Variants in PSMB7 observed in about 807,000 individuals in gnomAD.
PSMB7 encodes the protein proteasome 20S subunit beta 7.
A neutral mutation model predicts 28.1 loss-of-function variants in PSMB7; 5 were observed. The observed-to-expected ratio is 0.18, with a 90% CI of 0.09 to 0.37. PSMB7 has a LOEUF of 0.37. Among genes scored for constraint, PSMB7 ranks in the 10% least tolerant of loss-of-function variants. The pLI is 1.00. For missense variants in PSMB7, 275 were observed against 346.2 expected (o/e 0.79, Z 1.63); for synonymous variants, 122 against 123.7 (o/e 0.99, Z 0.09).
chr9:124,414,110 A>T, intron 2 of PSMB7, 105 bp from the exon 3 acceptor site: 1 of 652,498 alleles, frequency 1.5e-6, no homozygotes, highest in South Asian at 2.0e-5. Context: ...ATGCTCCCCT[A>T]ATCTCAAAAC....
At chr9:124,387,063 A>G (rs1372971662) in intron 5 of PSMB7, among the ~76,000 whole-genome samples, 5 of 152,136 alleles carry the variant, frequency 3.3e-5, no homozygotes, top group South Asian at 4.1e-4. Flanking sequence ...TGGCTAGCAC[A>G]GTGAAACCCT....
intron 6 of PSMB7, among the ~76,000 whole-genome samples, chr9:124,379,570 C>T (rs927253435): frequency 6.6e-6 from 1 of 152,184 alleles, no homozygotes; most frequent in African/African-American, 2.4e-5. Context: ...GAACTGAGGA[C>T]TTTTACTTGA....
chr9:124,401,918 C>T (rs963981506), intron 5 of PSMB7, among the ~76,000 whole-genome samples: 2 of 151,778 alleles, frequency 1.3e-5, no homozygotes, highest in African/African-American at 4.8e-5. Flanking sequence ...ACTCGGGAGG[C>T]TGAGGCAGGA....
At chr9:124,355,088 C>G (rs528960288) in intron 7 of PSMB7, among the ~76,000 whole-genome samples, 1 of 152,228 alleles carries the variant, frequency 6.6e-6, no homozygotes, top group Non-Finnish European at 1.5e-5. Flanking sequence ...GGGAAGGGCT[C>G]CCCTAACTCA....
chr9:124,412,290 C>T, intron 4 of PSMB7, 62 bp downstream of exon 4: 2 of 1,515,144 alleles, frequency 1.3e-6, no homozygotes, highest in Non-Finnish European at 1.8e-6. Flanking sequence ...CTTCTCTTGG[C>T]TGAAAAAAAT....
rs759164120 is a variant in PSMB7, at chr9:124,412,507, T to C, written c.255-15A>G. On this transcript the variant is annotated splice_polypyrimidine_tract_variant and intron_variant, in intron 3 of 7. Transcript: ENST00000259457. ...CACCACAACAACTGAAAAATCCAAT[T>C]AGAAACTTAGCTGAAATCCAATTAC... The C allele has an allele frequency of 1.2e-6, 2 of 1,612,522 alleles. No individual in the cohort carries two copies. Among genetic ancestry groups the C allele is most frequent in the Admixed American group, 1.7e-5 (1 of 59,774 alleles).
rs115387587 is a variant in PSMB7, at chr9:124,366,843, G to A, written c.571-9928C>T. Among the ~76,000 whole-genome samples the A allele has an allele frequency of 2.6e-3, 403 of 152,358 alleles. 1 individual carries two copies. Among genetic ancestry groups the A allele is most frequent in the African/African-American group, 9.0e-3 (375 of 41,592 alleles). The stretch of plus-strand genomic sequence containing the variant: ...TGACAGTATTCAGCGCAGTTAACAT[G>A]CTGTACAGGCTTGCAGCCCAGGAGC... On this transcript the variant is annotated intron_variant, in intron 6 of 7. Coordinates refer to ENST00000259457, the MANE Select transcript of PSMB7 (RefSeq NM_002799.4).
At chr9:124,363,409 C>T (rs1045599154) in intron 6 of PSMB7, among the ~76,000 whole-genome samples, 1 of 152,238 alleles carries the variant, frequency 6.6e-6, no homozygotes, top group African/African-American at 2.4e-5. Flanking sequence ...ACGGTCTCCG[C>T]GAAAGCAGCA....
At chr9:124,390,700 AT>A (rs1017249101) in intron 5 of PSMB7, among the ~76,000 whole-genome samples, 1 of 152,154 alleles carries the variant, frequency 6.6e-6, no homozygotes, top group Non-Finnish European at 1.5e-5. Context: ...TTTTACTTGT[AT>A]TTTTAAATTT....
Position 124,414,105 on chromosome 9 carries a change from C to A in PSMB7, c.157-100G>T, listed in dbSNP as rs1251889812. On this transcript the variant is annotated intron_variant, in intron 2 of 7. Transcript: ENST00000259457. ...TACTATGTTGGCCATACCACATGCT[C>A]CCCTAATCTCAAAACGCCAGCCAAA... The A allele has an allele frequency of 7.5e-6, 5 of 667,482 alleles. No homozygotes were observed. The East Asian group carries it at 8.4e-5, about 11-fold the overall frequency. The allele number at this position is 667,482 out of a possible 1,614,324, so 41.3% of individuals were successfully genotyped here. A position where few individuals can be genotyped will look rare whatever the true frequency, so the allele number is the denominator to read the frequency against.
chr9:124,408,236 G>T (rs908164780), intron 4 of PSMB7, among the ~76,000 whole-genome samples: 5 of 152,148 alleles, frequency 3.3e-5, no homozygotes, highest in Admixed American at 3.3e-4. Context: ...CTGCGCTACT[G>T]ACGGTAGTAC....
chr9:124,406,559 A>G (rs968645497), intron 4 of PSMB7, among the ~76,000 whole-genome samples: 1 of 151,714 alleles, frequency 6.6e-6, no homozygotes. Context: ...AAAATGGCTC[A>G]TGTCGAAACA....
At chr9:124,364,000 C>T (rs1339915465) in intron 6 of PSMB7, among the ~76,000 whole-genome samples, 1 of 152,112 alleles carries the variant, frequency 6.6e-6, no homozygotes, top group Non-Finnish European at 1.5e-5. Context: ...GAGAATAATG[C>T]CTCTGTCCAA....
At chr9:124,412,536 A>C (rs1436930553) in intron 3 of PSMB7, 44 bp from the exon 4 acceptor site, 2 of 1,607,596 alleles carry the variant, frequency 1.2e-6, no homozygotes, top group Non-Finnish European at 1.7e-6. Context: ...CAATTACCAG[A>C]GGGCTCAATT....
chr9:124,367,973 T>C (rs545799131), intron 6 of PSMB7, among the ~76,000 whole-genome samples: 1 of 152,368 alleles, frequency 6.6e-6, no homozygotes, highest in East Asian at 1.9e-4. Context: ...AAATCAATTA[T>C]GACAGCGGCC....
In PSMB7 at chr9:124,357,857, A is replaced by T. The variant is rs77520750; in HGVS notation, c.571-942T>A. Among the ~76,000 whole-genome samples the T allele has an allele frequency of 2.8e-3, 424 of 152,318 alleles. 1 individual carries two copies. The highest frequency in any genetic ancestry group is 9.9e-3 in the African/African-American group (412 of 41,560). On this transcript the variant is annotated intron_variant, in intron 6 of 7. Coordinates refer to ENST00000259457, the MANE Select transcript of PSMB7 (RefSeq NM_002799.4). ...GCTGGCTAAAGAGCACGTGAAAAGG[A>T]GCTGGGAACACAGCTGGTCAGCAGA...
intron 7 of PSMB7, among the ~76,000 whole-genome samples, chr9:124,354,529 C>T (rs911316739): frequency 1.3e-5 from 2 of 152,156 alleles, no homozygotes; most frequent in African/African-American, 4.8e-5. Context: ...CCCGGAACAC[C>T]CATCCTCTCC....
intron 3 of PSMB7, among the ~76,000 whole-genome samples, chr9:124,413,641 A>G (rs1214974886): frequency 6.6e-6 from 1 of 152,210 alleles, no homozygotes; most frequent in Non-Finnish European, 1.5e-5. Context: ...AAAGAACCCA[A>G]ACTAGAGCCT....
At position 124,379,444 on chromosome 9, in the gene PSMB7, C is replaced by CA. The variant is rs1310787734; in HGVS notation, c.570+5153dup. ...AGAATTCAGGCTCACAGCAAGGGAA[C>CA]AAACAAAAAAATGAAAATTAGAAGA... On this transcript the variant is annotated intron_variant, in intron 6 of 7. Transcript: ENST00000259457. 8.6e-5 allele frequency among the ~76,000 whole-genome samples: 13 copies of CA among 152,040 alleles called. No homozygotes were observed. The South Asian group carries it at 1.0e-3, about 12-fold the overall frequency.
Sources: allele counts gnomAD v4.1 joint callset (sites outside exome capture counted in the v4.1 genomes callset), GRCh38; gene constraint gnomAD v4.1.1; transcripts MANE v1.5; gene names NCBI Gene and HGNC (gene_info 2026-07-23, HGNC 2026-07-21).